Variants in NUBPL observed in about 807,000 individuals in gnomAD.
NUBPL encodes NUBP iron-sulfur cluster assembly factor, mitochondrial.
In NUBPL, 31 loss-of-function variants were observed where a neutral mutation model predicts 45.7. That is an observed-to-expected ratio of 0.68 (90% CI 0.51 to 0.92). The LOEUF (loss-of-function observed/expected upper bound fraction) is 0.92. Ranked by LOEUF, NUBPL falls within the 40% of genes least tolerant of loss-of-function variation. NUBPL has a pLI of 0.00. For synonymous variants in NUBPL, 144 were observed against 140.9 expected (o/e 1.02, Z -0.15); for missense variants, 401 against 398.7 (o/e 1.01, Z -0.05).
intron 6 of NUBPL, among the ~76,000 whole-genome samples, chr14:31,715,484 A>G (rs1046736115): frequency 6.6e-6 from 1 of 152,224 alleles, no homozygotes; most frequent in African/African-American, 2.4e-5. Context: ...TAGGCTCTAT[A>G]TGGCATAGCC....
At chr14:31,820,947 C>T (rs1444565084) in intron 7 of NUBPL, among the ~76,000 whole-genome samples, 2 of 151,206 alleles carry the variant, frequency 1.3e-5, no homozygotes, top group African/African-American at 4.9e-5. Context: ...ATGGAGAAAC[C>T]CCATCTCTAC....
intron 6 of NUBPL, among the ~76,000 whole-genome samples, chr14:31,694,405 G>A (rs2037167892): frequency 6.6e-6 from 1 of 152,074 alleles, no homozygotes; most frequent in Non-Finnish European, 1.5e-5. Context: ...TTCTTTTTGG[G>A]CATTTTTTCA....
At chr14:31,846,345 A>G (rs2040451685) in intron 8 of NUBPL, 126 bp from the exon 9 acceptor site, 3 of 766,758 alleles carry the variant, frequency 3.9e-6, no homozygotes, top group Non-Finnish European at 6.8e-6. Context: ...GCCATAGTTT[A>G]TTCATCATTG....
intron 7 of NUBPL, among the ~76,000 whole-genome samples, chr14:31,807,420 C>T (rs2138887717): frequency 6.6e-6 from 1 of 152,250 alleles, no homozygotes; most frequent in African/African-American, 2.4e-5. Flanking sequence ...TAAATGTCTT[C>T]TTTTGAGAAG....
chr14:31,834,160 G>T (rs10143774), intron 8 of NUBPL, among the ~76,000 whole-genome samples: 141,783 of 147,878 alleles, frequency 0.96, 68,037 homozygotes, highest in East Asian at 1. Flanking sequence ...ACAGAGACAA[G>T]CCTACTGTGG....
chr14:31,681,651 AT>A (rs893239728), intron 6 of NUBPL, among the ~76,000 whole-genome samples: 62 of 151,366 alleles, frequency 4.1e-4, no homozygotes, highest in African/African-American at 2.4e-5. Context: ...ATTGATTTAA[AT>A]TTTTTTTTAA....
chr14:31,819,216 T>C (rs2039975010), intron 7 of NUBPL, among the ~76,000 whole-genome samples: 1 of 152,190 alleles, frequency 6.6e-6, no homozygotes, highest in African/African-American at 2.4e-5. Flanking sequence ...AAAATTATAT[T>C]TGGTATTGTT....
At position 31,712,287 on chromosome 14, in the gene NUBPL, C is replaced by T. The variant is rs578018522; in HGVS notation, c.513+38713C>T. ...AGCTAGACAGAAAAGTTCTCCAGGT[C>T]ACCACCCAACCCAGAAGCCCAGATG... On this transcript the variant is annotated intron_variant, in intron 6 of 10. Transcript: ENST00000281081. Among the ~76,000 whole-genome samples the T allele has an allele frequency of 6.2e-4, 95 of 152,374 alleles. 2 individuals are homozygous for T. Among genetic ancestry groups the T allele is most frequent in the Admixed American group, 4.6e-3 (70 of 15,314 alleles).
intron 8 of NUBPL, among the ~76,000 whole-genome samples, chr14:31,840,880 A>G (rs1339898480): frequency 6.6e-6 from 1 of 152,218 alleles, no homozygotes; most frequent in Non-Finnish European, 1.5e-5. Flanking sequence ...CCCAAAATGG[A>G]ACCCGAATTA....
At chr14:31,681,623 A>G (rs1344295155) in intron 6 of NUBPL, among the ~76,000 whole-genome samples, 1 of 151,842 alleles carries the variant, frequency 6.6e-6, no homozygotes, top group Non-Finnish European at 1.5e-5. Context: ...TCTAGCTCTT[A>G]AGGTAGGCAG....
At chr14:31,808,706 G>A (rs143035786) in intron 7 of NUBPL, among the ~76,000 whole-genome samples, 1,972 of 152,236 alleles carry the variant, frequency 0.013, 45 homozygotes, top group African/African-American at 0.045. Context: ...GTTTTCAAAG[G>A]GAATGCTTCC....
rs564843795 is a variant in NUBPL at position 31,646,483 on chromosome 14, T to C, written c.383-26872T>C. On this transcript the variant is annotated intron_variant, in intron 4 of 10. Transcript: ENST00000281081. Reference sequence around the variant, plus strand: ...GATTACAGGCATGAGCCACCACGCTTGGCCATCAGGTTCTTTTTCTTTAAT... The same window carrying C: ...GATTACAGGCATGAGCCACCACGCTCGGCCATCAGGTTCTTTTTCTTTAAT... 5.3e-5 allele frequency among the ~76,000 whole-genome samples: 8 copies of C among 152,312 alleles called. No individual in the cohort carries two copies. In the South Asian group the frequency reaches 1.7e-3, roughly 32 times the overall value.
chr14:31,663,559 T>C (rs1055613856), intron 4 of NUBPL, among the ~76,000 whole-genome samples: 1 of 152,132 alleles, frequency 6.6e-6, no homozygotes, highest in East Asian at 1.9e-4. Context: ...AGATGTGTGG[T>C]GTTATTTCTC....
intron 7 of NUBPL, among the ~76,000 whole-genome samples, chr14:31,824,179 T>G (rs1011348104): frequency 6.6e-6 from 1 of 152,146 alleles, no homozygotes; most frequent in Admixed American, 6.5e-5. Context: ...TTAATTATTT[T>G]AATCCTGTGA....
chr14:31,696,994 GA>G (rs2037228661), intron 6 of NUBPL, among the ~76,000 whole-genome samples: 2 of 152,214 alleles, frequency 1.3e-5, no homozygotes, highest in African/African-American at 4.8e-5. Context: ...AAGGTACTAT[GA>G]AATTGAAGCC....
intron 7 of NUBPL, among the ~76,000 whole-genome samples, chr14:31,802,286 T>TTCTTC (rs771437575): frequency 1.5e-4 from 1 of 6,524 alleles, no homozygotes; most frequent in Non-Finnish European, 7.8e-4. Context: ...CTTCTTCTTC[T>TTCTTC]TTTTTTTTTT....
intron 4 of NUBPL, among the ~76,000 whole-genome samples, chr14:31,667,550 T>A (rs1294293144): frequency 6.6e-6 from 1 of 152,086 alleles, no homozygotes; most frequent in Non-Finnish European, 1.5e-5. Flanking sequence ...TGCCTACTTC[T>A]GTCAATTCGT....
chr14:31,565,616 A>G (rs1947004), intron 3 of NUBPL, among the ~76,000 whole-genome samples: 105,651 of 151,962 alleles, frequency 0.7, 37,353 homozygotes, highest in African/African-American at 0.83. Flanking sequence ...CTGGTGCATT[A>G]ATGGTCAATG....
chr14:31,627,780 A>C (rs1383652230), intron 4 of NUBPL, among the ~76,000 whole-genome samples: 1 of 151,706 alleles, frequency 6.6e-6, no homozygotes, highest in Non-Finnish European at 1.5e-5. Flanking sequence ...AAAAAAAAAA[A>C]AAATTATTGA....
Sources: gnomAD v4.1 joint callset for allele counts (sites outside exome capture counted in the v4.1 genomes callset) on GRCh38, gnomAD v4.1.1 for gene constraint, MANE v1.5 for transcripts, NCBI Gene and HGNC (gene_info 2026-07-23, HGNC 2026-07-21) for gene names.